Variants in GRIA4 observed in about 807,000 individuals in gnomAD.
GRIA4 encodes glutamate receptor 4.
In GRIA4, 34 loss-of-function variants were observed where a neutral mutation model predicts 104.0. The ratio of observed to expected loss-of-function variants is 0.33; its 90% CI spans 0.25 to 0.44. The LOEUF (loss-of-function observed/expected upper bound fraction) is 0.44, where lower values mean the gene tolerates loss of function less well. Ranked by LOEUF, GRIA4 falls within the 20% of genes least tolerant of loss-of-function variation. The probability of loss-of-function intolerance (pLI) is 1.00; values close to 1 mark genes in which losing one functional copy is unlikely to be tolerated. For synonymous variants in GRIA4, 386 were observed against 381.9 expected (o/e 1.01, Z -0.13); for missense variants, 750 against 1,096.5 (o/e 0.68, Z 4.46).
intron 4 of GRIA4, among the ~76,000 whole-genome samples, chr11:105,776,662 T>C (rs1035442995): frequency 1.3e-5 from 2 of 152,154 alleles, no homozygotes; most frequent in Non-Finnish European, 2.9e-5. Flanking sequence ...CCCTGAGGTC[T>C]AGATAGAAGT....
chr11:105,892,038 A>T (rs181199728), intron 6 of GRIA4, among the ~76,000 whole-genome samples: 3 of 152,166 alleles, frequency 2.0e-5, no homozygotes, highest in African/African-American at 7.2e-5. Flanking sequence ...TTTACCCAAG[A>T]TCTCGCAGAT....
chr11:105,942,183 T>A (rs184605074), intron 14 of GRIA4, among the ~76,000 whole-genome samples: 3 of 152,028 alleles, frequency 2.0e-5, no homozygotes, highest in Admixed American at 1.3e-4. Flanking sequence ...GTAAATAGAA[T>A]TGAATAGGAC....
chr11:105,764,345 T>C (rs1267480079), intron 4 of GRIA4, among the ~76,000 whole-genome samples: 2 of 152,166 alleles, frequency 1.3e-5, no homozygotes, highest in Admixed American at 1.3e-4. Flanking sequence ...TTCACCATGT[T>C]GGCCAGGATT....
chr11:105,698,167 G>T (rs779554772), intron 3 of GRIA4, among the ~76,000 whole-genome samples: 2 of 152,000 alleles, frequency 1.3e-5, no homozygotes, highest in Non-Finnish European at 2.9e-5. Context: ...TTGATACTAC[G>T]TGCAAACAAA....
chr11:105,762,377 G>T (rs2135719361), intron 4 of GRIA4, among the ~76,000 whole-genome samples: 1 of 152,248 alleles, frequency 6.6e-6, no homozygotes, highest in South Asian at 2.1e-4. Context: ...TTAGAGTCGG[G>T]TAAAAACGTT....
intron 3 of GRIA4, among the ~76,000 whole-genome samples, chr11:105,690,844 A>T (rs1353018032): frequency 6.6e-6 from 1 of 152,166 alleles, no homozygotes; most frequent in Non-Finnish European, 1.5e-5. Flanking sequence ...AATAAAGGCA[A>T]AGTTATTAAG....
intron 4 of GRIA4, among the ~76,000 whole-genome samples, chr11:105,824,196 T>C (rs951259358): frequency 3.3e-5 from 5 of 152,042 alleles, no homozygotes; most frequent in African/African-American, 1.2e-4. Flanking sequence ...AGGCATATAG[T>C]TTTAAAAGTC....
chr11:105,889,759 T>C (rs1946395172), intron 6 of GRIA4, among the ~76,000 whole-genome samples: 1 of 152,150 alleles, frequency 6.6e-6, no homozygotes, highest in Admixed American at 6.5e-5. Flanking sequence ...GAAGATTATA[T>C]GTATATAAAA....
At chr11:105,630,732 A>T (rs78911688) in intron 3 of GRIA4, among the ~76,000 whole-genome samples, 1,707 of 152,282 alleles carry the variant, frequency 0.011, 30 homozygotes, top group East Asian at 0.043. Context: ...TTAAAAATTA[A>T]TTAAAAATGG....
At chr11:105,921,570 C>G (rs1947565685) in intron 11 of GRIA4, among the ~76,000 whole-genome samples, 2 of 151,990 alleles carry the variant, frequency 1.3e-5, no homozygotes, top group African/African-American at 4.8e-5. Context: ...TGAAAGTGTC[C>G]CTCATTGGAC....
intron 4 of GRIA4, among the ~76,000 whole-genome samples, chr11:105,854,461 T>C (rs866301185): frequency 2.4e-4 from 37 of 152,110 alleles, no homozygotes; most frequent in Admixed American, 1.8e-3. Context: ...ATGACGTCAG[T>C]ATAAAGGAGC....
At chr11:105,687,745 G>GAGAGCTC (rs1952930597) in intron 3 of GRIA4, among the ~76,000 whole-genome samples, 1 of 152,150 alleles carries the variant, frequency 6.6e-6, no homozygotes, top group Admixed American at 6.5e-5. Flanking sequence ...TTAGTATTGA[G>GAGAGCTC]AGAGCTCAGA....
rs2136303619 is a variant in GRIA4, at chr11:105,981,436, T to G, written c.*1697T>G. 6.6e-6 allele frequency: 1 copy of G among 152,658 alleles called. No homozygotes were observed. The highest frequency in any genetic ancestry group is 3.4e-3 in the Middle Eastern group (1 of 294). 9.5% of individuals were successfully genotyped at this position (152,658 alleles called of 1,614,324 possible). A position where few individuals can be genotyped will look rare whatever the true frequency, so the allele number is the denominator to read the frequency against. On this transcript the variant is annotated 3_prime_UTR_variant, in exon 17 of 17. Transcript: ENST00000282499. ...AGATGGGCTACTGAGAGTACAGGGA[T>G]ATTATGGAAGATAAAGTTGGAAAAG...
intron 4 of GRIA4, among the ~76,000 whole-genome samples, chr11:105,811,918 C>G (rs1183694989): frequency 6.6e-6 from 1 of 152,136 alleles, no homozygotes; most frequent in Admixed American, 6.5e-5. Flanking sequence ...TTGTGGTACC[C>G]ATTTGATCTG....
chr11:105,948,558 T>TTTTC (rs1405016833), intron 14 of GRIA4, among the ~76,000 whole-genome samples: 4 of 150,200 alleles, frequency 2.7e-5, no homozygotes, highest in Non-Finnish European at 4.4e-5. Flanking sequence ...ACAGAATAAT[T>TTTTC]TTTCTTTCTT....
At chr11:105,735,084 AAT>A (rs1938848233) in intron 3 of GRIA4, among the ~76,000 whole-genome samples, 1 of 152,186 alleles carries the variant, frequency 6.6e-6, no homozygotes, top group Non-Finnish European at 1.5e-5. Context: ...GAGTACCTAA[AAT>A]ACAATACGCA....
At chr11:105,710,415 T>C (rs1953870057) in intron 3 of GRIA4, among the ~76,000 whole-genome samples, 1 of 152,112 alleles carries the variant, frequency 6.6e-6, no homozygotes. Flanking sequence ...GAAAAATCCC[T>C]GGCCCCTGAG....
intron 3 of GRIA4, among the ~76,000 whole-genome samples, chr11:105,670,771 CTTACTGT>C (rs1420555160): frequency 9.2e-5 from 14 of 152,164 alleles, no homozygotes; most frequent in Non-Finnish European, 1.3e-4. Flanking sequence ...TCTGTATTAG[CTTACTGT>C]GGCTGCCATA....
intron 3 of GRIA4, among the ~76,000 whole-genome samples, chr11:105,728,364 AT>A (rs1938357852): frequency 6.6e-6 from 1 of 152,070 alleles, no homozygotes; most frequent in Non-Finnish European, 1.5e-5. Context: ...AAGCATCCAG[AT>A]TCATAAAACA....
Sources: allele counts gnomAD v4.1 joint callset (sites outside exome capture counted in the v4.1 genomes callset), GRCh38; gene constraint gnomAD v4.1.1; transcripts MANE v1.5; gene names NCBI Gene and HGNC (gene_info 2026-07-23, HGNC 2026-07-21).